Variants in ERC2 observed in about 807,000 individuals in gnomAD.
The protein encoded by ERC2 is ERC protein 2.
In ERC2, 42 loss-of-function variants were observed where a neutral mutation model predicts 114.8. The ratio of observed to expected loss-of-function variants is 0.37; its 90% CI spans 0.29 to 0.47. The LOEUF (loss-of-function observed/expected upper bound fraction) is 0.47, where lower values mean the gene tolerates loss of function less well. Among genes scored for constraint, ERC2 ranks in the 20% least tolerant of loss-of-function variants. The pLI, the probability that ERC2 is intolerant of heterozygous loss-of-function variation, is 0.99. For missense variants in ERC2, 939 were observed against 1,150.7 expected, an observed-to-expected ratio of 0.82 and a Z score of 2.66; for synonymous variants, 454 against 425.5, an observed-to-expected ratio of 1.07 and a Z score of -0.82.
chr3:55,865,337 A>T (rs2062249805), intron 14 of ERC2, among the ~76,000 whole-genome samples: 2 of 152,144 alleles, frequency 1.3e-5, no homozygotes. Flanking sequence ...GTGATCTGAT[A>T]TTTCCAATCA....
chr3:55,944,924 G>A (rs571792609), intron 13 of ERC2, among the ~76,000 whole-genome samples: 11 of 152,066 alleles, frequency 7.2e-5, no homozygotes, highest in South Asian at 2.1e-4. Context: ...ATTTCTCTTC[G>A]TCTGAAACCA....
At chr3:56,221,506 T>C (rs1313654834) in intron 3 of ERC2, among the ~76,000 whole-genome samples, 1 of 152,070 alleles carries the variant, frequency 6.6e-6, no homozygotes, top group Non-Finnish European at 1.5e-5. Flanking sequence ...TGCAACCTCC[T>C]ATAGAAGAGA....
chr3:56,241,509 A>G (rs191608437), intron 3 of ERC2, among the ~76,000 whole-genome samples: 1 of 152,302 alleles, frequency 6.6e-6, no homozygotes, highest in East Asian at 1.9e-4. Context: ...AACTAAAAAT[A>G]AAACTACCAT....
chr3:55,661,351 C>T (rs2061127880), intron 17 of ERC2, among the ~76,000 whole-genome samples: 1 of 152,178 alleles, frequency 6.6e-6, no homozygotes, highest in Non-Finnish European at 1.5e-5. Flanking sequence ...TGGGACTTTC[C>T]TGGCTGGCAG....
At chr3:55,754,561 G>A (rs1381669866) in intron 14 of ERC2, among the ~76,000 whole-genome samples, 2 of 147,316 alleles carry the variant, frequency 1.4e-5, no homozygotes, top group African/African-American at 4.9e-5. Flanking sequence ...TAATTTGCTT[G>A]AGAAAAAAAC....
intron 14 of ERC2, among the ~76,000 whole-genome samples, chr3:55,808,507 A>G (rs940706536): frequency 2.6e-5 from 4 of 151,664 alleles, no homozygotes; most frequent in African/African-American, 9.7e-5. Flanking sequence ...GACTATGACA[A>G]AAGAGAGCTA....
chr3:56,104,116 T>A (rs1379585822), intron 6 of ERC2, among the ~76,000 whole-genome samples: 1 of 152,214 alleles, frequency 6.6e-6, no homozygotes, highest in Non-Finnish European at 1.5e-5. Context: ...TTTGTCGCTA[T>A]GACTTAAATG....
chr3:56,236,273 G>A (rs4974126), intron 3 of ERC2, among the ~76,000 whole-genome samples: 45,608 of 139,664 alleles, frequency 0.33, 8,013 homozygotes, highest in East Asian at 0.66. Flanking sequence ...ATAACATTTC[G>A]ATACATTTTT....
chr3:55,942,266 C>CTTTTTTTTTTTTTTTT lies in ERC2; in HGVS notation c.2403+8143_2403+8158dup, dbSNP rs56851837. On this transcript the variant is annotated intron_variant, in intron 13 of 17. Coordinates refer to ENST00000288221, the MANE Select transcript of ERC2 (RefSeq NM_015576.3). ...TATTAAATGAAGTCTAAGGTCCTTT[C>CTTTTTTTTTTTTTTTT]TTTTTTTTTTTTTTTTTTTTTTTTT... 3.1e-4 allele frequency among the ~76,000 whole-genome samples: 13 copies of CTTTTTTTTTTTTTTTT among 42,108 alleles called. 2 individuals carry two copies. The highest frequency in any genetic ancestry group is 8.4e-4 in the African/African-American group (10 of 11,862). 27.6% of individuals were successfully genotyped at this position (42,108 alleles called of 152,430 possible). A position where few individuals can be genotyped will look rare whatever the true frequency, so the allele number is the denominator to read the frequency against.
At position 56,437,877 on chromosome 3, in the gene ERC2, C is replaced by T. The variant is rs557538637; in HGVS notation, c.-140-2730G>A. 1.5e-3 allele frequency among the ~76,000 whole-genome samples: 228 copies of T among 152,144 alleles called. 1 individual carries two copies. Among genetic ancestry groups the T allele is most frequent in the Admixed American group, 1.4e-3 (21 of 15,272 alleles). ...ACATACTGGTGGCAGGGGGAGCAGA[C>T]GACAAAACAATTTTGTGATTTACTC... On this transcript the variant is annotated intron_variant, in intron 1 of 17. Coordinates refer to ENST00000288221, the MANE Select transcript of ERC2 (RefSeq NM_015576.3).
intron 17 of ERC2, among the ~76,000 whole-genome samples, chr3:55,533,011 T>A (rs775749575): frequency 5.9e-5 from 9 of 152,232 alleles, no homozygotes; most frequent in Non-Finnish European, 1.0e-4. Flanking sequence ...CCTAAAATCC[T>A]GGGGCATGAG....
chr3:56,350,551 A>G (rs1438963956), intron 2 of ERC2, among the ~76,000 whole-genome samples: 1 of 151,114 alleles, frequency 6.6e-6, no homozygotes, highest in African/African-American at 2.4e-5. Context: ...GGAAAAGAAG[A>G]GGATATATAT....
intron 17 of ERC2, among the ~76,000 whole-genome samples, chr3:55,580,464 G>A (rs2057205360): frequency 6.6e-6 from 1 of 152,172 alleles, no homozygotes; most frequent in Admixed American, 6.5e-5. Flanking sequence ...GGAAATCACT[G>A]CCTGGATCAG....
chr3:55,571,160 A>C (rs1465743061), intron 17 of ERC2, among the ~76,000 whole-genome samples: 1 of 149,178 alleles, frequency 6.7e-6, no homozygotes, highest in Non-Finnish European at 1.5e-5. Context: ...AAGTAATTCA[A>C]TGTCTTCTTC....
intron 10 of ERC2, among the ~76,000 whole-genome samples, chr3:56,000,388 AT>A (rs2071942195): frequency 6.6e-6 from 1 of 152,122 alleles, no homozygotes; most frequent in Non-Finnish European, 1.5e-5. Flanking sequence ...TTTAGGCTAA[AT>A]AAAACTGCCA....
chr3:55,714,849 TA>T (rs11355461), intron 15 of ERC2, among the ~76,000 whole-genome samples: 83,776 of 145,210 alleles, frequency 0.58, 23,979 homozygotes, highest in South Asian at 0.71. Flanking sequence ...AATAAAACAA[TA>T]AAAAAAAAAA....
At chr3:55,956,290 G>A (rs1204860221) in intron 12 of ERC2, among the ~76,000 whole-genome samples, 1 of 152,140 alleles carries the variant, frequency 6.6e-6, no homozygotes, top group East Asian at 1.9e-4. Context: ...AAGCATTGCA[G>A]GAAGCTCATG....
chr3:55,776,360 G>A (rs1002578047), intron 14 of ERC2, among the ~76,000 whole-genome samples: 1 of 152,166 alleles, frequency 6.6e-6, no homozygotes, highest in Middle Eastern at 3.4e-3. Context: ...ACAGACTGAG[G>A]ATTTAAATAC....
intron 4 of ERC2, among the ~76,000 whole-genome samples, chr3:56,153,233 G>A (rs543599856): frequency 4.5e-4 from 69 of 152,276 alleles, no homozygotes; most frequent in African/African-American, 1.6e-3. Context: ...ATACCAGGTA[G>A]ATCTCAAGAA....
Sources: gnomAD v4.1 joint callset for allele counts (sites outside exome capture counted in the v4.1 genomes callset) on GRCh38, gnomAD v4.1.1 for gene constraint, MANE v1.5 for transcripts, NCBI Gene and HGNC (gene_info 2026-07-23, HGNC 2026-07-21) for gene names.